The following DCLK2 variants were observed in gnomAD, a reference collection of about 807,000 sequenced individuals.
DCLK2 encodes the protein doublecortin like kinase 2.
DCLK2 carries 31 observed loss-of-function variants against 78.4 expected under a neutral mutation model. The observed-to-expected ratio is 0.40, with a 90% confidence interval of 0.30 to 0.53. DCLK2 has a LOEUF of 0.53. Ranked by LOEUF, DCLK2 falls within the 20% of genes least tolerant of loss-of-function variation. DCLK2 has a pLI of 0.61. For missense variants in DCLK2, 872 were observed against 973.7 expected, an observed-to-expected ratio of 0.90 and a Z score of 1.39; for synonymous variants, 407 against 374.9, an observed-to-expected ratio of 1.09 and a Z score of -0.99.
At chr4:150,255,843 C>A (rs1173836157) in intron 15 of DCLK2, among the ~76,000 whole-genome samples, 177 bp from the exon 16 acceptor site, 2 of 152,146 alleles carry the variant, frequency 1.3e-5, no homozygotes. Flanking sequence ...ACAGCCCCTT[C>A]CCCCGGTGGG....
intron 1 of DCLK2, among the ~76,000 whole-genome samples, chr4:150,088,267 T>C (rs1360727638): frequency 6.6e-6 from 1 of 152,200 alleles, no homozygotes; most frequent in African/African-American, 2.4e-5. Flanking sequence ...CAGTGTAAAC[T>C]TGTCTCTTAT....
intron 2 of DCLK2, among the ~76,000 whole-genome samples, chr4:150,188,627 C>T (rs978673981): frequency 1.3e-5 from 2 of 151,980 alleles, no homozygotes; most frequent in African/African-American, 4.8e-5. Context: ...AAGGGCCGGG[C>T]ATGGTGGCTC....
At chr4:150,179,047 A>G (rs1199023546) in intron 2 of DCLK2, among the ~76,000 whole-genome samples, 1 of 152,058 alleles carries the variant, frequency 6.6e-6, no homozygotes, top group African/African-American at 2.4e-5. Context: ...TCTTTTTTTG[A>G]GACAGAGTCT....
At chr4:150,216,140 A>G (rs1438233246) in intron 5 of DCLK2, among the ~76,000 whole-genome samples, 5 of 152,230 alleles carry the variant, frequency 3.3e-5, no homozygotes, top group African/African-American at 1.2e-4. Context: ...TTCTCCTTAA[A>G]TTTCAAATTT....
At chr4:150,246,400 C>A (rs1743312147) in intron 12 of DCLK2, among the ~76,000 whole-genome samples, 1 of 152,156 alleles carries the variant, frequency 6.6e-6, no homozygotes, top group African/African-American at 2.4e-5. Context: ...ATCACAACAG[C>A]CCTAGAATTT....
At chr4:150,209,786 ACATTTAGGGC>A in intron 5 of DCLK2, 1 of 152,392 alleles carries the variant, frequency 6.6e-6, no homozygotes. Flanking sequence ...ATCTATTACA[ACATTTAGGGC>A]CAGGTGCGGT....
At chr4:150,095,914 G>C (rs1164400525) in intron 1 of DCLK2, among the ~76,000 whole-genome samples, 1 of 152,224 alleles carries the variant, frequency 6.6e-6, no homozygotes, top group South Asian at 2.1e-4. Context: ...GAAATTGCAA[G>C]CATGCTGATA....
At chr4:150,239,657 T>A in intron 10 of DCLK2, 85 bp from the exon 11 acceptor site, 3 of 1,493,476 alleles carry the variant, frequency 2.0e-6, no homozygotes, top group Non-Finnish European at 2.7e-6. Context: ...AATGTATTTG[T>A]GTCCTTTCTG....
chr4:150,182,906 C>G (rs1481994406), intron 2 of DCLK2, among the ~76,000 whole-genome samples: 2 of 151,994 alleles, frequency 1.3e-5, no homozygotes, highest in Non-Finnish European at 2.9e-5. Flanking sequence ...AGCCTTTTAG[C>G]TGAATTCTGA....
intron 2 of DCLK2, among the ~76,000 whole-genome samples, chr4:150,118,313 TA>T (rs10710963): frequency 0.39 from 59,414 of 151,958 alleles, 11,873 homozygotes; most frequent in African/African-American, 0.42. Flanking sequence ...GTTTACCAGA[TA>T]AAAAACCTGT....
At chr4:150,215,129 A>C (rs1740592344) in intron 5 of DCLK2, among the ~76,000 whole-genome samples, 9 of 152,172 alleles carry the variant, frequency 5.9e-5, no homozygotes, top group Admixed American at 5.9e-4. Flanking sequence ...ATGAAATATT[A>C]AGGAAAATCT....
At chr4:150,217,490 C>T (rs951110137) in intron 5 of DCLK2, among the ~76,000 whole-genome samples, 3 of 152,190 alleles carry the variant, frequency 2.0e-5, no homozygotes, top group African/African-American at 7.2e-5. Flanking sequence ...CTCCCTCTCA[C>T]GGCTCTTCAG....
rs573670167 is a variant in DCLK2, at chr4:150,098,667, A to T, written c.422-3811A>T. 3.3e-5 allele frequency among the ~76,000 whole-genome samples: 5 copies of T among 150,556 alleles called. No individual in the cohort carries two copies. In the East Asian group the frequency reaches 9.7e-4, roughly 29 times the overall value. On this transcript the variant is annotated intron_variant, in intron 1 of 15. Transcript: ENST00000296550. The stretch of plus-strand genomic sequence containing the variant: ...ACATACGTTGGCAAGAGTTTAACAA[A>T]GTCTCTCATACTGTGGGGTTTTTTC...
intron 2 of DCLK2, among the ~76,000 whole-genome samples, chr4:150,149,541 A>G (rs1734741144): frequency 6.6e-6 from 1 of 152,150 alleles, no homozygotes; most frequent in South Asian, 2.1e-4. Flanking sequence ...TTATTGCATC[A>G]TTTGTTTTGG....
intron 2 of DCLK2, among the ~76,000 whole-genome samples, chr4:150,141,451 G>A (rs1437800074): frequency 6.6e-6 from 1 of 152,210 alleles, no homozygotes; most frequent in Non-Finnish European, 1.5e-5. Context: ...TGCTGAAACA[G>A]AAGAATAAGC....
rs1738216202 is a variant in DCLK2 at position 150,189,312 on chromosome 4, ATAGT to A, written c.757-3822_757-3819del. On this transcript the variant is annotated intron_variant, in intron 2 of 15. Transcript: ENST00000296550. ...TGAATATATGGATGTGAAAAATAAA[ATAGT>A]TAGAAATATAAGGTAGACATAACTG... Among the ~76,000 whole-genome samples the A allele has an allele frequency of 2.6e-5, 4 of 152,202 alleles. No homozygotes were observed. The South Asian group carries it at 8.3e-4, about 31-fold the overall frequency.
intron 10 of DCLK2, among the ~76,000 whole-genome samples, chr4:150,238,791 G>A (rs953246765): frequency 2.0e-5 from 3 of 152,144 alleles, no homozygotes; most frequent in Non-Finnish European, 4.4e-5. Context: ...GAGAGGTTAT[G>A]TGACTTCAGA....
At chr4:150,090,983 C>T (rs2150138922) in intron 1 of DCLK2, among the ~76,000 whole-genome samples, 1 of 152,312 alleles carries the variant, frequency 6.6e-6, no homozygotes, top group East Asian at 1.9e-4. Flanking sequence ...GGAGTGGGAA[C>T]AGCATCTGGG....
intron 1 of DCLK2, among the ~76,000 whole-genome samples, chr4:150,086,601 G>C (rs1403785663): frequency 2.0e-5 from 3 of 151,764 alleles, no homozygotes; most frequent in Non-Finnish European, 2.9e-5. Flanking sequence ...CCGCCTCCCG[G>C]GTTCACGCCA....
Sources: gnomAD v4.1 joint callset for allele counts (sites outside exome capture counted in the v4.1 genomes callset) on GRCh38, gnomAD v4.1.1 for gene constraint, MANE v1.5 for transcripts, NCBI Gene and HGNC (gene_info 2026-07-23, HGNC 2026-07-21) for gene names.